GAB2: variants seen among roughly 807,000 people sequenced by gnomAD.
The protein encoded by GAB2 is GRB2-associated-binding protein 2.
Under a neutral mutation model 65.5 loss-of-function variants are expected in GAB2, and 26 were observed. That is an observed-to-expected ratio of 0.40 (90% CI 0.29 to 0.55). GAB2 has a LOEUF of 0.55. Among genes scored for constraint, GAB2 ranks in the 20% least tolerant of loss-of-function variants. The pLI is 0.53. For missense variants in GAB2, 884 were observed against 875.8 expected (o/e 1.01, Z -0.12); for synonymous variants, 321 against 329.6 (o/e 0.97, Z 0.28).
chr11:78,266,237 A>AAAAAAAAAC (rs1865871210), intron 2 of GAB2, among the ~76,000 whole-genome samples: 1 of 150,464 alleles, frequency 6.6e-6, no homozygotes, highest in Non-Finnish European at 1.5e-5. Flanking sequence ...AAAAAAAAAA[A>AAAAAAAAAC]ATCATGTGGA....
intron 2 of GAB2, among the ~76,000 whole-genome samples, chr11:78,271,945 A>G (rs1273558945): frequency 6.6e-6 from 1 of 152,160 alleles, no homozygotes; most frequent in Non-Finnish European, 1.5e-5. Flanking sequence ...GTCTCTTGAG[A>G]TCTGATGGTT....
intron 1 of GAB2, among the ~76,000 whole-genome samples, chr11:78,370,931 G>C (rs922430368): frequency 6.6e-6 from 1 of 152,184 alleles, no homozygotes; most frequent in African/African-American, 2.4e-5. Flanking sequence ...GTTTGAACTT[G>C]AAAGTGGTAG....
chr11:78,272,880 C>A (rs1866054404), intron 2 of GAB2, among the ~76,000 whole-genome samples: 1 of 152,198 alleles, frequency 6.6e-6, no homozygotes, highest in Admixed American at 6.5e-5. Flanking sequence ...GGACTTGGTG[C>A]CCTGTGTCCC....
chr11:78,374,807 A>G (rs1856612739), intron 1 of GAB2, among the ~76,000 whole-genome samples: 1 of 152,340 alleles, frequency 6.6e-6, no homozygotes, highest in Non-Finnish European at 1.5e-5. Context: ...ACTAAGAACT[A>G]AGAAAGAACA....
At chr11:78,304,720 T>C (rs1040378231) in intron 1 of GAB2, among the ~76,000 whole-genome samples, 1 of 152,200 alleles carries the variant, frequency 6.6e-6, no homozygotes, top group Non-Finnish European at 1.5e-5. Flanking sequence ...CATTAAAGTA[T>C]TGTTTTCTTT....
intron 1 of GAB2, among the ~76,000 whole-genome samples, chr11:78,399,496 C>T (rs191867787): frequency 1.3e-5 from 2 of 152,212 alleles, no homozygotes; most frequent in African/African-American, 2.4e-5. Flanking sequence ...TTCCCAGCGA[C>T]TGGCCAAAGT....
At chr11:78,416,343 G>C (rs1399782529) in intron 1 of GAB2, among the ~76,000 whole-genome samples, 1 of 152,060 alleles carries the variant, frequency 6.6e-6, no homozygotes, top group African/African-American at 2.4e-5. Flanking sequence ...CTTGTACTCC[G>C]CAACAACAAC....
rs930112643 is a variant in GAB2 at position 78,414,002 on chromosome 11, C to T, written c.75+3644G>A. ...ACTTGGGAGGCTGAGGCAGGAGAATCGCTTGAACCCAGGAGGCAAAGGTTG... is the reference window on the plus strand; with the variant it reads ...ACTTGGGAGGCTGAGGCAGGAGAATTGCTTGAACCCAGGAGGCAAAGGTTG... On this transcript the variant is annotated intron_variant, in intron 1 of 9. Transcript: ENST00000361507. Among the ~76,000 whole-genome samples the T allele has an allele frequency of 1.2e-4, 18 of 150,026 alleles. 1 individual carries two copies. Among genetic ancestry groups the T allele is most frequent in the Admixed American group, 8.7e-4 (13 of 14,952 alleles).
At chr11:78,293,844 T>C (rs896024996) in intron 1 of GAB2, among the ~76,000 whole-genome samples, 1 of 152,046 alleles carries the variant, frequency 6.6e-6, no homozygotes, top group African/African-American at 2.4e-5. Context: ...AAAGAGTACG[T>C]GTGAGAGTGA....
At chr11:78,291,626 C>T (rs1191560422) in intron 1 of GAB2, among the ~76,000 whole-genome samples, 5 of 116,666 alleles carry the variant, frequency 4.3e-5, no homozygotes, top group Non-Finnish European at 6.5e-5. Flanking sequence ...GACGGGAGTG[C>T]AGTGGCGCAA....
chr11:78,341,711 G>T, intron 1 of GAB2: 3 of 965,952 alleles, frequency 3.1e-6, no homozygotes, highest in Non-Finnish European at 3.7e-6. Flanking sequence ...CAAATATTCA[G>T]AACCTGCTAG....
intron 3 of GAB2, among the ~76,000 whole-genome samples, chr11:78,239,074 C>T (rs934876232): frequency 1.3e-5 from 2 of 151,590 alleles, no homozygotes; most frequent in Non-Finnish European, 2.9e-5. Context: ...CAATGAGATA[C>T]CACATTGCAC....
chr11:78,352,269 C>T (rs995635856), intron 1 of GAB2, among the ~76,000 whole-genome samples: 2 of 152,208 alleles, frequency 1.3e-5, no homozygotes, highest in African/African-American at 2.4e-5. Context: ...CAAAGTCAGA[C>T]GGGGACTAGC....
intron 3 of GAB2, among the ~76,000 whole-genome samples, chr11:78,241,375 C>T (rs940717520): frequency 2.6e-5 from 4 of 152,072 alleles, no homozygotes; most frequent in Non-Finnish European, 5.9e-5. Flanking sequence ...AGCATGGACA[C>T]TTAACATGAG....
At chr11:78,366,486 T>C (rs1856498369) in intron 1 of GAB2, among the ~76,000 whole-genome samples, 1 of 143,304 alleles carries the variant, frequency 7.0e-6, no homozygotes, top group South Asian at 2.2e-4. Context: ...CTTGGGAGGC[T>C]GAGGCAGGAG....
At chr11:78,369,388 A>G (rs1441061916) in intron 1 of GAB2, among the ~76,000 whole-genome samples, 1 of 152,242 alleles carries the variant, frequency 6.6e-6, no homozygotes, top group African/African-American at 2.4e-5. Flanking sequence ...GTTAAAATCT[A>G]AAATGTAATG....
chr11:78,343,975 C>T (rs978908306), intron 1 of GAB2, among the ~76,000 whole-genome samples: 1 of 151,926 alleles, frequency 6.6e-6, no homozygotes, highest in Non-Finnish European at 1.5e-5. Context: ...AATTAGACAA[C>T]AAGGAGAGTA....
chr11:78,301,378 G>A (rs1305954747), intron 1 of GAB2, among the ~76,000 whole-genome samples: 1 of 145,360 alleles, frequency 6.9e-6, no homozygotes, highest in Non-Finnish European at 1.5e-5. Context: ...CACCCAGGCT[G>A]GAGTGCAATG....
chr11:78,251,114 T>TA (rs10708329), intron 2 of GAB2, among the ~76,000 whole-genome samples: 2,327 of 108,778 alleles, frequency 0.021, 29 homozygotes, highest in Non-Finnish European at 0.032. Flanking sequence ...AGTTGAAATT[T>TA]AAAAAAAAAA....
Sources: gnomAD v4.1 joint callset for allele counts (sites outside exome capture counted in the v4.1 genomes callset) on GRCh38, gnomAD v4.1.1 for gene constraint, MANE v1.5 for transcripts, NCBI Gene and HGNC (gene_info 2026-07-23, HGNC 2026-07-21) for gene names.